PTPRF: variants seen among roughly 807,000 people sequenced by gnomAD.
The protein encoded by PTPRF is receptor-type tyrosine-protein phosphatase F.
Under a neutral mutation model 201.8 loss-of-function variants are expected in PTPRF, and 59 were observed. The ratio of observed to expected loss-of-function variants is 0.29; its 90% CI spans 0.24 to 0.36. The LOEUF is 0.36. PTPRF is among the 10% of genes least tolerant of loss of function. PTPRF has a pLI of 1.00. For missense variants in PTPRF, 2,132 were observed against 2,690.5 expected, an observed-to-expected ratio of 0.79 and a Z score of 4.59; for synonymous variants, 1,088 against 1,089.7, an observed-to-expected ratio of 1.00 and a Z score of 0.03.
intron 5 of PTPRF, among the ~76,000 whole-genome samples, chr1:43,563,200 TTAGAA>T (rs1347961609): frequency 2.0e-5 from 3 of 147,510 alleles, no homozygotes; most frequent in Non-Finnish European, 1.5e-5. Context: ...AAAAATAAGA[TTAGAA>T]AGAGTAGAGG....
chr1:43,553,781 C>T lies in PTPRF; in HGVS notation c.238-19C>T, dbSNP rs1473396708. Reference sequence around the variant, plus strand: ...CTGTGTCCTGAGTAGGCTGTGACCCCATGTCTGTCCTCTGACAGGTCATTG... The same window carrying T: ...CTGTGTCCTGAGTAGGCTGTGACCCTATGTCTGTCCTCTGACAGGTCATTG... On this transcript the variant is annotated intron_variant, in intron 4 of 33. Transcript: ENST00000359947. This position sits in a 1 kb window ranked among gnomAD's most constrained non-coding sequence, Gnocchi z 4.1. 6.8e-6 allele frequency: 11 copies of T among 1,613,910 alleles called. No homozygotes were observed. Among genetic ancestry groups the T allele is most frequent in the African/African-American group, 1.3e-5 (1 of 74,926 alleles).
At chr1:43,614,241 A>C (rs1484974705) in intron 23 of PTPRF, among the ~76,000 whole-genome samples, 3 of 152,156 alleles carry the variant, frequency 2.0e-5, no homozygotes, top group Non-Finnish European at 4.4e-5. Flanking sequence ...ACAGCTGATG[A>C]GTAGTGGAGC....
At chr1:43,529,354 G>C (rs1643260529), upstream of PTPRF, among the ~76,000 whole-genome samples, 1 of 152,194 alleles carries the variant, frequency 6.6e-6, no homozygotes, top group Non-Finnish European at 1.5e-5. Context: ...AACAGGCAGT[G>C]AATCAGGTGG....
upstream of PTPRF, among the ~76,000 whole-genome samples, chr1:43,524,256 T>C: frequency 6.6e-6 from 1 of 152,058 alleles, no homozygotes; most frequent in South Asian, 2.1e-4. Context: ...TTGGGTACAA[T>C]GTTCGATATT....
intron 17 of PTPRF, 27 bp downstream of exon 17, chr1:43,605,027 C>G (rs891937387): frequency 3.1e-6 from 5 of 1,606,570 alleles, no homozygotes; most frequent in Non-Finnish European, 3.4e-6. Context: ...GCCAGCTGAG[C>G]CTGGCACACA....
intron 5 of PTPRF, among the ~76,000 whole-genome samples, chr1:43,559,907 G>A (rs1365424648): frequency 6.7e-6 from 1 of 149,806 alleles, no homozygotes; most frequent in East Asian, 2.0e-4. Context: ...GTGTGTGTGT[G>A]CGCGCGTGTG....
chr1:43,592,789 G>C (rs1447401902), intron 11 of PTPRF, among the ~76,000 whole-genome samples, 188 bp downstream of exon 11: 6 of 152,114 alleles, frequency 3.9e-5, no homozygotes, highest in Non-Finnish European at 5.9e-5. Context: ...AGTCTGTCCA[G>C]TCCAGGCGGC....
intron 2 of PTPRF, among the ~76,000 whole-genome samples, chr1:43,541,188 A>G (rs1644340370): frequency 6.6e-6 from 1 of 152,168 alleles, no homozygotes; most frequent in Non-Finnish European, 1.5e-5. Context: ...GGGAGGTGAG[A>G]TGGGGGAGGC....
chr1:43,618,012 C>A (rs754300395), intron 25 of PTPRF, 101 bp downstream of exon 25: 7 of 1,258,142 alleles, frequency 5.6e-6, no homozygotes, highest in Non-Finnish European at 7.6e-6. Flanking sequence ...TGGAGGAAGT[C>A]GCTCAAGTGA....
intron 2 of PTPRF, among the ~76,000 whole-genome samples, chr1:43,540,510 G>A (rs973305965): frequency 3.3e-5 from 5 of 152,194 alleles, no homozygotes; most frequent in African/African-American, 9.7e-5. Context: ...AGAGGAAGGG[G>A]CCTGGAGGCT....
At chr1:43,527,518 C>T (rs1164306584), upstream of PTPRF, among the ~76,000 whole-genome samples, 1 of 152,238 alleles carries the variant, frequency 6.6e-6, no homozygotes, top group Non-Finnish European at 1.5e-5. Context: ...TTCTCTTGCC[C>T]TGCCTCGACA....
rs1452022275 is a variant in PTPRF, at chr1:43,603,869, A to G, written c.2717A>G (p.Lys906Arg). ...NRAGLGEEFE[K>R]EIRTPEDLPS... ...GCTGGCTTGGGTGAGGAGTTCGAGA[A>G]GGAGATCAGGACCCCCGAGGACCTG... Residue 906 changes from lysine to arginine, a missense_variant, in exon 16 of 34, where the codon AAG (lysine) becomes AGG (arginine). Around this residue, in one of 6 missense-constraint regions of PTPRF, gnomAD observed 818 missense variants for 915.3 expected, o/e 0.89. Transcript: ENST00000359947. This position sits in a 1 kb window ranked among gnomAD's most constrained non-coding sequence, Gnocchi z 5.8. 6.2e-7 allele frequency: 1 copy of G among 1,614,014 alleles called. No homozygotes were observed. Among genetic ancestry groups the G allele is most frequent in the African/African-American group, 1.3e-5 (1 of 74,946 alleles).
At chr1:43,589,802 C>T (rs1293782716) in intron 8 of PTPRF, among the ~76,000 whole-genome samples, 1 of 150,350 alleles carries the variant, frequency 6.7e-6, no homozygotes, top group Non-Finnish European at 1.5e-5. Flanking sequence ...GGTGAGGCTA[C>T]AGTGACGCAG....
rs1235171432 is a variant in PTPRF, at chr1:43,622,973, C to T, written c.*970C>T. On this transcript the variant is annotated 3_prime_UTR_variant, in exon 34 of 34. Transcript: ENST00000359947. ...GAAGCAACTCCGTGTGCCTGGGGTT[C>T]CCGAGGGAGCTGCTGGCTGACCTGG... is the stretch of plus-strand genomic sequence containing the variant. The T allele has an allele frequency of 6.6e-6, 1 of 152,472 alleles. No homozygotes were observed. The highest frequency in any genetic ancestry group is 1.5e-5 in the Non-Finnish European group (1 of 68,076). 9.4% of individuals were successfully genotyped at this position (152,472 alleles called of 1,614,324 possible). A position where few individuals can be genotyped will look rare whatever the true frequency, so the allele number is the denominator to read the frequency against.
chr1:43,536,455 A>G (rs1358282797), intron 1 of PTPRF, among the ~76,000 whole-genome samples: 3 of 152,024 alleles, frequency 2.0e-5, no homozygotes, highest in Non-Finnish European at 2.9e-5. Flanking sequence ...CTTCTGCTCC[A>G]TGTAGGGCCT....
intron 11 of PTPRF, 71 bp from the exon 12 acceptor site, chr1:43,597,677 T>C: frequency 8.9e-7 from 1 of 1,118,758 alleles, no homozygotes. Context: ...TCCAGTCCAC[T>C]GTGACTCAGT....
intron 2 of PTPRF, among the ~76,000 whole-genome samples, chr1:43,544,786 G>A (rs958928149): frequency 3.9e-5 from 6 of 152,044 alleles, no homozygotes; most frequent in Non-Finnish European, 5.9e-5. Flanking sequence ...GGCCTCCTGC[G>A]CTCTTTCTCC....
At chr1:43,598,366 C>T (rs866703707) in intron 12 of PTPRF, 6 of 452,892 alleles carry the variant, frequency 1.3e-5, no homozygotes, top group East Asian at 3.5e-5. Context: ...CAAGACTCCA[C>T]GTTGGCTGGA....
intron 23 of PTPRF, among the ~76,000 whole-genome samples, chr1:43,615,940 G>A (rs1009469896): frequency 5.9e-5 from 9 of 152,110 alleles, no homozygotes; most frequent in African/African-American, 1.2e-4. Context: ...CTGGGGATGT[G>A]GAGACACATG....
Sources: gnomAD v4.1 joint callset for allele counts (sites outside exome capture counted in the v4.1 genomes callset) on GRCh38, gnomAD v4.1.1 for gene constraint, gnomAD v4.1.1 regional missense constraint, Gnocchi (gnomAD v3.1) non-coding constraint, MANE v1.5 for transcripts, NCBI Gene and HGNC (gene_info 2026-07-23, HGNC 2026-07-21) for gene names.